The following SPECC1 variants were observed in gnomAD, a reference collection of about 807,000 sequenced individuals.
SPECC1 encodes sperm antigen with calponin homology and coiled-coil domains 1.
A neutral mutation model predicts 104.1 loss-of-function variants in SPECC1; 62 were observed. The observed-to-expected ratio is 0.60, with a 90% CI of 0.49 to 0.74. The LOEUF (loss-of-function observed/expected upper bound fraction) is 0.74, where lower values mean the gene tolerates loss of function less well. SPECC1 is among the 30% of genes least tolerant of loss of function. The pLI, the probability that SPECC1 is intolerant of heterozygous loss-of-function variation, is 0.00. For missense variants in SPECC1, 1,306 were observed against 1,310.5 expected, an observed-to-expected ratio of 1.00 and a Z score of 0.05; for synonymous variants, 513 against 501.6, an observed-to-expected ratio of 1.02 and a Z score of -0.30.
At chr17:20,129,612 A>G (rs568533543) in intron 3 of SPECC1, among the ~76,000 whole-genome samples, 11 of 152,248 alleles carry the variant, frequency 7.2e-5, no homozygotes, top group African/African-American at 2.4e-4. Context: ...TTTCAACCTT[A>G]TAACAGGGTC....
chr17:20,077,411 G>T (rs1797209387), intron 1 of SPECC1, among the ~76,000 whole-genome samples: 1 of 151,850 alleles, frequency 6.6e-6, no homozygotes, highest in Non-Finnish European at 1.5e-5. Flanking sequence ...GGAGCAATCT[G>T]TTTCTACGCC....
At chr17:20,071,649 T>G (rs984505273) in intron 1 of SPECC1, among the ~76,000 whole-genome samples, 2 of 152,192 alleles carry the variant, frequency 1.3e-5, no homozygotes, top group Non-Finnish European at 2.9e-5. Flanking sequence ...AGCATGAATT[T>G]GGGGGGCGAC....
chr17:20,273,118 C>T (rs1041243257), intron 12 of SPECC1, among the ~76,000 whole-genome samples: 1 of 152,200 alleles, frequency 6.6e-6, no homozygotes, highest in Non-Finnish European at 1.5e-5. Context: ...ATCCATTCTC[C>T]AGAGAAAGGC....
At chr17:20,151,247 T>C (rs1352005009) in intron 3 of SPECC1, among the ~76,000 whole-genome samples, 1 of 152,132 alleles carries the variant, frequency 6.6e-6, no homozygotes, top group Non-Finnish European at 1.5e-5. Context: ...ATTTTGATCT[T>C]TTACCAGGCT....
At chr17:20,050,805 G>C (rs11867646) in intron 1 of SPECC1, among the ~76,000 whole-genome samples, 11,195 of 152,204 alleles carry the variant, frequency 0.074, 553 homozygotes, top group African/African-American at 0.14. Context: ...ATAACTTCAT[G>C]TTAGTAAGCA....
chr17:20,120,656 A>G (rs1041767748), intron 3 of SPECC1, among the ~76,000 whole-genome samples: 4 of 152,170 alleles, frequency 2.6e-5, no homozygotes, highest in African/African-American at 9.7e-5. Context: ...ACTTGGGGAC[A>G]AGTTTTCTAC....
chr17:20,209,353 G>T (rs1251111817), intron 4 of SPECC1, among the ~76,000 whole-genome samples: 2 of 152,184 alleles, frequency 1.3e-5, no homozygotes, highest in Non-Finnish European at 2.9e-5. Context: ...GGGGAAAGTG[G>T]TGCCAAACCA....
intron 12 of SPECC1, among the ~76,000 whole-genome samples, chr17:20,265,486 A>C (rs1280123054): frequency 6.6e-6 from 1 of 152,078 alleles, no homozygotes; most frequent in African/African-American, 2.4e-5. Flanking sequence ...TTAAGTTCTT[A>C]TAGATTCTGG....
chr17:20,019,757 T>TCC (rs1422469201), intron 1 of SPECC1, among the ~76,000 whole-genome samples: 1 of 152,162 alleles, frequency 6.6e-6, no homozygotes, highest in East Asian at 1.9e-4. Context: ...ATCTGCCACT[T>TCC]CTCTTCCAGC....
chr17:20,232,217 G>C lies in SPECC1; in HGVS notation c.2163G>C (p.Trp721Cys). 2.5e-6 allele frequency: 4 copies of C among 1,614,092 alleles called. No homozygotes were observed. Among genetic ancestry groups the C allele is most frequent in the Non-Finnish European group, 3.4e-6 (4 of 1,180,044 alleles). ...TKQMKEETEEWRRFQADLQTA... is the reference protein window; with the variant it reads ...TKQMKEETEECRRFQADLQTA... Reference sequence around the variant, plus strand: ...ATTTTCAGGAGGAGACCGAGGAATGGAGGCGGTTCCAGGCGGATCTGCAGA... The same window carrying C: ...ATTTTCAGGAGGAGACCGAGGAATGCAGGCGGTTCCAGGCGGATCTGCAGA... The change falls in exon 7 of 15, where the codon TGG (tryptophan) becomes TGC (cysteine). Residue 721 changes from tryptophan to cysteine, a missense_variant. By Grantham distance (215) the Trp-to-Cys change is radical. This residue lies in a region of SPECC1 where 1,177 missense variants were observed against 1,139.9 expected (regional missense o/e 1.03). Transcript: ENST00000395527.
intron 3 of SPECC1, among the ~76,000 whole-genome samples, chr17:20,122,593 ATCT>A (rs1265255055): frequency 6.6e-6 from 1 of 152,136 alleles, no homozygotes; most frequent in Non-Finnish European, 1.5e-5. Context: ...GAACTGTTTC[ATCT>A]TCTCAAAGTG....
intron 7 of SPECC1, among the ~76,000 whole-genome samples, chr17:20,239,582 AT>A (rs925565598): frequency 1.6e-3 from 240 of 150,166 alleles, no homozygotes; most frequent in South Asian, 7.4e-3. Context: ...CAAGGTTATA[AT>A]TTTTTTTTTA....
chr17:20,060,943 C>T (rs1420026624), intron 1 of SPECC1, among the ~76,000 whole-genome samples: 1 of 152,176 alleles, frequency 6.6e-6, no homozygotes, highest in Non-Finnish European at 1.5e-5. Context: ...AGATTAACTA[C>T]TGTGTTAGTA....
At chr17:20,302,753 C>A (rs1184964405) in intron 13 of SPECC1, among the ~76,000 whole-genome samples, 8 of 45,868 alleles carry the variant, frequency 1.7e-4, no homozygotes, top group African/African-American at 7.2e-4. Context: ...CAGCATGCAG[C>A]ACACTGTGAA....
chr17:20,234,682 G>GAGA (rs758504514), intron 7 of SPECC1, among the ~76,000 whole-genome samples: 39 of 152,328 alleles, frequency 2.6e-4, no homozygotes, highest in South Asian at 4.1e-4. Context: ...GGACAACTGA[G>GAGA]AGAAGGTAAG....
chr17:20,169,863 G>A (rs1040045438), intron 3 of SPECC1, among the ~76,000 whole-genome samples: 7 of 152,026 alleles, frequency 4.6e-5, no homozygotes, highest in African/African-American at 1.5e-4. Flanking sequence ...AATGTGTTGC[G>A]CCAATTTGCT....
rs2039057093 is a variant in SPECC1, at chr17:20,238,756, A to G, written c.2351+6351A>G. 7 of 1,043,906 alleles carry G rather than the reference A, an allele frequency of 6.7e-6. No homozygotes were observed. The South Asian group carries it at 3.2e-4, about 48-fold the overall frequency. The allele number at this position is 1,043,906 out of a possible 1,614,324, so 64.7% of individuals were successfully genotyped here. A position where few individuals can be genotyped will look rare whatever the true frequency, so the allele number is the denominator to read the frequency against. ...TGCTGGATGTTTTCAAGTATAAACA[A>G]TAAGAAAACTGCAACTTCAACTTAA... On this transcript the variant is annotated intron_variant, in intron 7 of 14. Transcript: ENST00000395527.
At chr17:20,025,253 G>A (rs2108979) in intron 1 of SPECC1, among the ~76,000 whole-genome samples, 72,390 of 151,952 alleles carry the variant, frequency 0.48, 17,633 homozygotes, top group Middle Eastern at 0.54. Context: ...GAAAGAACCA[G>A]CTCTGCTGAC....
chr17:20,271,996 T>C (rs2040424346), intron 12 of SPECC1, among the ~76,000 whole-genome samples: 1 of 145,470 alleles, frequency 6.9e-6, no homozygotes, highest in Non-Finnish European at 1.5e-5. Flanking sequence ...TCGTTTGTGA[T>C]TTTTTTTTCC....
Sources: allele counts gnomAD v4.1 joint callset (sites outside exome capture counted in the v4.1 genomes callset), GRCh38; gene constraint gnomAD v4.1.1; regional missense constraint gnomAD v4.1.1; transcripts MANE v1.5; gene names NCBI Gene and HGNC (gene_info 2026-07-23, HGNC 2026-07-21).